The following EBF1 variants were observed in gnomAD, a reference collection of about 807,000 sequenced individuals.
The protein encoded by EBF1 is transcription factor COE1.
Under a neutral mutation model 68.4 loss-of-function variants are expected in EBF1, and 10 were observed. That is an observed-to-expected ratio of 0.15 (90% CI 0.09 to 0.25). EBF1 has a LOEUF of 0.25. Among genes scored for constraint, EBF1 ranks in the 10% least tolerant of loss-of-function variants. EBF1 has a pLI of 1.00. For missense variants in EBF1, 509 were observed against 794.4 expected (o/e 0.64, Z 4.32); for synonymous variants, 298 against 299.8 (o/e 0.99, Z 0.06).
chr5:158,868,401 A>G (rs945848561), intron 6 of EBF1, among the ~76,000 whole-genome samples: 5 of 152,300 alleles, frequency 3.3e-5, no homozygotes, highest in Admixed American at 1.3e-4. Flanking sequence ...TTACATGTCT[A>G]TTAGGAAAGT....
At chr5:158,710,436 C>T (rs1581207773) in intron 14 of EBF1, among the ~76,000 whole-genome samples, 1 of 152,096 alleles carries the variant, frequency 6.6e-6, no homozygotes, top group African/African-American at 2.4e-5. Context: ...ATGATCGAAA[C>T]ATTTTCTGAC....
intron 15 of EBF1, among the ~76,000 whole-genome samples, chr5:158,702,109 C>T (rs114375320): frequency 8.8e-4 from 134 of 152,254 alleles, no homozygotes; most frequent in Non-Finnish European, 1.5e-3. Flanking sequence ...AGAACCCTTG[C>T]GGTTGAGTAA....
chr5:158,769,443 T>A (rs890305698), intron 10 of EBF1, among the ~76,000 whole-genome samples: 2 of 152,132 alleles, frequency 1.3e-5, no homozygotes, highest in Non-Finnish European at 2.9e-5. Context: ...CAAGTCCTGA[T>A]TACACTCCAC....
intron 6 of EBF1, among the ~76,000 whole-genome samples, chr5:158,970,345 T>C (rs1476015725): frequency 1.3e-5 from 2 of 152,198 alleles, no homozygotes; most frequent in African/African-American, 4.8e-5. Context: ...TTAATTAGGT[T>C]TTCTTTATTA....
chr5:158,871,607 C>T (rs868013845), intron 6 of EBF1, among the ~76,000 whole-genome samples: 4 of 152,196 alleles, frequency 2.6e-5, no homozygotes, highest in Middle Eastern at 3.4e-3. Context: ...TTTATAAAAC[C>T]CCCTGGCCAA....
At chr5:158,827,193 T>C (rs907554493) in intron 7 of EBF1, among the ~76,000 whole-genome samples, 1 of 152,310 alleles carries the variant, frequency 6.6e-6, no homozygotes, top group African/African-American at 2.4e-5. Flanking sequence ...TTCAAAAGAA[T>C]GTGTCGGGTT....
intron 14 of EBF1, among the ~76,000 whole-genome samples, chr5:158,710,750 C>A (rs1275301453): frequency 6.6e-6 from 1 of 152,202 alleles, no homozygotes; most frequent in Non-Finnish European, 1.5e-5. Flanking sequence ...AGAACTAGAA[C>A]AATCCATACT....
At chr5:158,836,199 C>A (rs1788746256) in intron 7 of EBF1, among the ~76,000 whole-genome samples, 1 of 152,186 alleles carries the variant, frequency 6.6e-6, no homozygotes, top group Non-Finnish European at 1.5e-5. Context: ...ATCCAGCAGA[C>A]ATCTGGACAG....
intron 6 of EBF1, among the ~76,000 whole-genome samples, chr5:158,968,800 T>C (rs982478688): frequency 6.6e-6 from 1 of 152,184 alleles, no homozygotes; most frequent in East Asian, 1.9e-4. Context: ...TAGCTATGTA[T>C]TCCAAGTAAA....
intron 4 of EBF1, 140 bp downstream of exon 4, chr5:159,095,480 C>G (rs1782428176): frequency 3.5e-6 from 3 of 854,086 alleles, no homozygotes; most frequent in Admixed American, 2.5e-5. Flanking sequence ...CACTGGAAGG[C>G]CGTGCAAGTT....
At chr5:159,046,892 A>G (rs1456762205) in intron 6 of EBF1, among the ~76,000 whole-genome samples, 1 of 152,238 alleles carries the variant, frequency 6.6e-6, no homozygotes, top group Admixed American at 6.5e-5. Context: ...CACTGAACAG[A>G]GCTGGGAAAA....
intron 10 of EBF1, among the ~76,000 whole-genome samples, chr5:158,749,674 G>C (rs2127588857): frequency 6.6e-6 from 1 of 152,236 alleles, no homozygotes; most frequent in East Asian, 1.9e-4. Context: ...GGGAAAACAG[G>C]TAATACTTTT....
chr5:158,924,574 C>G (rs953811616), intron 6 of EBF1, among the ~76,000 whole-genome samples: 1 of 152,046 alleles, frequency 6.6e-6, no homozygotes, highest in Non-Finnish European at 1.5e-5. Flanking sequence ...TAAACTGGGC[C>G]GGGTGCGGTG....
At chr5:159,094,596 C>T (rs527964444) in intron 4 of EBF1, among the ~76,000 whole-genome samples, 1 of 152,258 alleles carries the variant, frequency 6.6e-6, no homozygotes, top group African/African-American at 2.4e-5. Flanking sequence ...TTGAAACTTT[C>T]TCAGCCAATA....
At chr5:159,033,019 A>T (rs540603533) in intron 6 of EBF1, among the ~76,000 whole-genome samples, 184 of 151,868 alleles carry the variant, frequency 1.2e-3, no homozygotes, top group African/African-American at 4.0e-3. Flanking sequence ...CCCACCCCCA[A>T]ACTAAATATA....
intron 10 of EBF1, among the ~76,000 whole-genome samples, chr5:158,754,202 T>C (rs193272308): frequency 4.6e-5 from 7 of 152,226 alleles, no homozygotes; most frequent in Admixed American, 3.9e-4. Flanking sequence ...CCATCCTAAA[T>C]AGCCTTTAAA....
At chr5:158,901,253 T>C (rs72812384) in intron 6 of EBF1, among the ~76,000 whole-genome samples, 91 of 152,376 alleles carry the variant, frequency 6.0e-4, no homozygotes, top group Non-Finnish European at 1.2e-3. Flanking sequence ...GTAGGATAAA[T>C]ACCATTAGTT....
intron 6 of EBF1, among the ~76,000 whole-genome samples, chr5:158,933,429 T>C (rs1030680857): frequency 1.3e-5 from 2 of 152,202 alleles, no homozygotes; most frequent in African/African-American, 2.4e-5. Flanking sequence ...ATGCTTAACA[T>C]TTTCCCAATC....
At chr5:158,984,133 G>A (rs1393371966) in intron 6 of EBF1, among the ~76,000 whole-genome samples, 2 of 152,098 alleles carry the variant, frequency 1.3e-5, no homozygotes, top group Admixed American at 6.6e-5. Context: ...ACTTCTTAAA[G>A]TTTCCAGCTC....
Sources: allele counts gnomAD v4.1 joint callset (sites outside exome capture counted in the v4.1 genomes callset), GRCh38; gene constraint gnomAD v4.1.1; transcripts MANE v1.5; gene names NCBI Gene and HGNC (gene_info 2026-07-23, HGNC 2026-07-21).